Variants in KATNIP observed in about 807,000 individuals in gnomAD.
The protein encoded by KATNIP is katanin interacting protein.
A neutral mutation model predicts 174.0 loss-of-function variants in KATNIP; 126 were observed. That is an observed-to-expected ratio of 0.72 (90% CI 0.63 to 0.84). The LOEUF (loss-of-function observed/expected upper bound fraction) is 0.84, where lower values mean the gene tolerates loss of function less well. Ranked by LOEUF, KATNIP falls within the 40% of genes least tolerant of loss-of-function variation. KATNIP has a pLI of 0.00. For synonymous variants in KATNIP, 810 were observed against 835.7 expected (o/e 0.97, Z 0.53); for missense variants, 1,958 against 2,109.7 (o/e 0.93, Z 1.41).
chr16:27,686,433 G>A (rs915947422), intron 8 of KATNIP, among the ~76,000 whole-genome samples: 2 of 152,122 alleles, frequency 1.3e-5, no homozygotes, highest in African/African-American at 4.8e-5. Context: ...TTTGTATGGT[G>A]TACTGTTTTT....
Position 27,777,852 on chromosome 16 carries a change from C to A in KATNIP, c.4713-29C>A, listed in dbSNP as rs149678593. 4 of 1,613,300 alleles carry A rather than the reference C, an allele frequency of 2.5e-6. No individual in the cohort carries two copies. Among genetic ancestry groups the A allele is most frequent in the Non-Finnish European group, 3.4e-6 (4 of 1,179,230 alleles). ...TGGGACACACGGCCAGGAGCCTGAT[C>A]GAATCTTGTGTTTCCTTCCTACCCT... On this transcript the variant is annotated intron_variant, in intron 26 of 27. Coordinates refer to ENST00000261588, the MANE Select transcript of KATNIP (RefSeq NM_015202.5). The surrounding 1 kb of genome is among the most constrained non-coding windows in gnomAD (Gnocchi z 4.4).
At chr16:27,624,183 G>T (rs898777230) in intron 3 of KATNIP, among the ~76,000 whole-genome samples, 2 of 150,884 alleles carry the variant, frequency 1.3e-5, no homozygotes, top group East Asian at 4.0e-4. Context: ...AAGTTTTCCT[G>T]TAAGTTTCCC....
intron 2 of KATNIP, among the ~76,000 whole-genome samples, chr16:27,589,155 C>G (rs1253710271): frequency 1.3e-5 from 2 of 151,942 alleles, no homozygotes; most frequent in Non-Finnish European, 2.9e-5. Flanking sequence ...ATCTGCCTGC[C>G]TTGGCCTCCC....
At chr16:27,556,593 A>G (rs1032755798) in intron 1 of KATNIP, among the ~76,000 whole-genome samples, 1 of 152,222 alleles carries the variant, frequency 6.6e-6, no homozygotes, top group African/African-American at 2.4e-5. Context: ...TCAAATAATT[A>G]ATAATGCCAA....
At chr16:27,717,855 C>A (rs990449091) in intron 13 of KATNIP, among the ~76,000 whole-genome samples, 2 of 152,100 alleles carry the variant, frequency 1.3e-5, no homozygotes, top group Non-Finnish European at 2.9e-5. Context: ...GGTATTTATA[C>A]CCCAACTCCC....
rs2077545491 is a variant in KATNIP, at chr16:27,662,104, A to G, written c.540+13369A>G. Among the ~76,000 whole-genome samples the G allele has an allele frequency of 1.5e-5, 2 of 132,120 alleles. 1 individual carries two copies. The highest frequency in any genetic ancestry group is 4.7e-4 in the South Asian group (2 of 4,274). 86.7% of individuals were successfully genotyped at this position (132,120 alleles called of 152,430 possible). On this transcript the variant is annotated intron_variant, in intron 6 of 27. Transcript: ENST00000261588. The stretch of plus-strand genomic sequence containing the variant: ...TATATATATACACATACATATATAT[A>G]TATATATATAGTATAAATGGGGTTT...
rs1223410719 is a variant in KATNIP at position 27,777,502 on chromosome 16, C to T, written c.4552-108C>T. The stretch of plus-strand genomic sequence containing the variant: ...CAGTAGGCGCTTGTTCCTGACAGCC[C>T]CGTCTTCCCGAGGAGAAAGCCTTGG... On this transcript the variant is annotated intron_variant, in intron 25 of 27. Transcript: ENST00000261588. The surrounding 1 kb of genome is among the most constrained non-coding windows in gnomAD (Gnocchi z 4.4). 2 of 1,062,634 alleles carry T rather than the reference C, an allele frequency of 1.9e-6. No homozygotes were observed. The highest frequency in any genetic ancestry group is 2.7e-6 in the Non-Finnish European group (2 of 749,262). 65.8% of individuals were successfully genotyped at this position (1,062,634 alleles called of 1,614,324 possible). A position where few individuals can be genotyped will look rare whatever the true frequency, so the allele number is the denominator to read the frequency against.
chr16:27,651,662 C>T (rs530228776), intron 6 of KATNIP, among the ~76,000 whole-genome samples: 1 of 152,282 alleles, frequency 6.6e-6, no homozygotes, highest in East Asian at 1.9e-4. Flanking sequence ...CTGTTGCCCT[C>T]CACCCCGTTG....
chr16:27,630,312 G>A (rs1011527616), intron 4 of KATNIP, among the ~76,000 whole-genome samples: 2 of 152,198 alleles, frequency 1.3e-5, no homozygotes, highest in Non-Finnish European at 2.9e-5. Context: ...ATTAAATGAT[G>A]TAAGAAATGT....
intron 2 of KATNIP, among the ~76,000 whole-genome samples, chr16:27,601,987 C>T (rs2075541792): frequency 6.6e-6 from 1 of 152,202 alleles, no homozygotes; most frequent in African/African-American, 2.4e-5. Flanking sequence ...CTGCCTCTCT[C>T]CTCCCATCAG....
At chr16:27,550,411 C>G (rs951570855) in intron 1 of KATNIP, among the ~76,000 whole-genome samples, 1 of 152,060 alleles carries the variant, frequency 6.6e-6, no homozygotes. Flanking sequence ...GAAACCGGTA[C>G]TGGCCGGGAG....
Position 27,740,574 on chromosome 16 carries a change from C to T in KATNIP, c.2277C>T (p.Pro759=), listed in dbSNP as rs149945532. The part of the protein sequence containing the change: ...GKTPSWLQPS[P]TGKDRKQGGR... ...CCCCATCCTGGTTACAACCTTCTCC[C>T]ACCGGCAAGGACAGGAAGCAGGGAG... The change falls in exon 15 of 28, where the codon CCC becomes CCT. Residue 759 remains proline (P), a synonymous_variant. Transcript: ENST00000261588. 2.8e-3 allele frequency: 4,494 copies of T among 1,614,166 alleles called. 8 individuals are homozygous for T. Among genetic ancestry groups the T allele is most frequent in the Non-Finnish European group, 3.3e-3 (3,920 of 1,180,032 alleles).
Position 27,749,804 on chromosome 16 carries a change from G to T in KATNIP, c.2844G>T (p.Gly948=), listed in dbSNP as rs753714068. The T allele has an allele frequency of 1.9e-6, 3 of 1,612,276 alleles. No individual in the cohort carries two copies. The highest frequency in any genetic ancestry group is 3.3e-5 in the Admixed American group (2 of 59,880). ...LPPSKKGEQP[G]LSRGQDGYSG... is the part of the protein sequence containing the mutation. Reference sequence around the variant, plus strand: ...CCTCCAAGAAGGGGGAGCAGCCAGGGCTGTCGAGAGGGCAGGATGGCTACT... The same window carrying T: ...CCTCCAAGAAGGGGGAGCAGCCAGGTCTGTCGAGAGGGCAGGATGGCTACT... Residue 948 remains glycine, a synonymous_variant, in exon 16 of 28, where the codon GGG becomes GGT. Coordinates refer to ENST00000261588, the MANE Select transcript of KATNIP (RefSeq NM_015202.5).
intron 23 of KATNIP, among the ~76,000 whole-genome samples, chr16:27,774,545 G>A (rs1487684237): frequency 2.0e-5 from 3 of 152,086 alleles, no homozygotes; most frequent in South Asian, 4.1e-4. Context: ...AGAGAGGCTC[G>A]GCATGATACT....
intron 6 of KATNIP, among the ~76,000 whole-genome samples, chr16:27,653,107 G>A (rs763986878): frequency 2.6e-5 from 4 of 151,970 alleles, no homozygotes; most frequent in South Asian, 2.1e-4. Context: ...ATAACCATCC[G>A]GACTAAAAAT....
chr16:27,641,795 G>A (rs920989199), intron 5 of KATNIP, among the ~76,000 whole-genome samples: 2 of 152,230 alleles, frequency 1.3e-5, no homozygotes, highest in South Asian at 2.1e-4. Flanking sequence ...AGATACCAAT[G>A]CTGCTGGTCC....
chr16:27,660,892 C>A (rs1265144132), intron 6 of KATNIP, among the ~76,000 whole-genome samples: 1 of 152,126 alleles, frequency 6.6e-6, no homozygotes, highest in Non-Finnish European at 1.5e-5. Context: ...GAATGTGCTC[C>A]GTCTCATTGC....
chr16:27,668,731 T>C (rs182384210), intron 6 of KATNIP, among the ~76,000 whole-genome samples: 62 of 152,196 alleles, frequency 4.1e-4, no homozygotes, highest in Non-Finnish European at 7.8e-4. Flanking sequence ...GGTGGCTGGG[T>C]GTGGTGGTTC....
At chr16:27,601,547 C>T (rs1355673430) in intron 2 of KATNIP, among the ~76,000 whole-genome samples, 1 of 152,112 alleles carries the variant, frequency 6.6e-6, no homozygotes, top group African/African-American at 2.4e-5. Context: ...AACTCCTGAG[C>T]TCGAGTGATC....
Sources: gnomAD v4.1 joint callset for allele counts (sites outside exome capture counted in the v4.1 genomes callset) on GRCh38, gnomAD v4.1.1 for gene constraint, Gnocchi (gnomAD v3.1) non-coding constraint, MANE v1.5 for transcripts, NCBI Gene and HGNC (gene_info 2026-07-23, HGNC 2026-07-21) for gene names.